MYO9B: variants seen among roughly 807,000 people sequenced by gnomAD.
MYO9B encodes unconventional myosin-IXb.
MYO9B carries 71 observed loss-of-function variants against 229.5 expected under a neutral mutation model. The observed-to-expected ratio is 0.31, with a 90% confidence interval of 0.26 to 0.38. The LOEUF is 0.38. Among genes scored for constraint, MYO9B ranks in the 10% least tolerant of loss-of-function variants. The pLI is 1.00. For missense variants in MYO9B, 2,255 were observed against 2,920.5 expected (o/e 0.77, Z 5.25); for synonymous variants, 1,185 against 1,235.8 (o/e 0.96, Z 0.86).
intron 2 of MYO9B, among the ~76,000 whole-genome samples, chr19:17,116,321 A>G (rs925155432): frequency 6.6e-6 from 1 of 151,988 alleles, no homozygotes; most frequent in East Asian, 1.9e-4. Flanking sequence ...CCCCTTCCTC[A>G]CTGTAGCTGA....
intron 1 of MYO9B, among the ~76,000 whole-genome samples, chr19:17,092,599 G>C (rs2057648188): frequency 6.6e-6 from 1 of 151,834 alleles, no homozygotes; most frequent in South Asian, 2.1e-4. Flanking sequence ...GGTGATGCAC[G>C]CCTATATCCC....
chr19:17,140,961 G>T (rs538868622), intron 2 of MYO9B, among the ~76,000 whole-genome samples: 2 of 151,544 alleles, frequency 1.3e-5, no homozygotes, highest in African/African-American at 4.8e-5. Flanking sequence ...AAAATTAGCC[G>T]AGCGCAGTGG....
intron 1 of MYO9B, among the ~76,000 whole-genome samples, chr19:17,081,730 AC>A (rs1484616854): frequency 6.8e-6 from 1 of 146,222 alleles, no homozygotes; most frequent in East Asian, 2.0e-4. Context: ...AATTGCTTGA[AC>A]CCAGGAGGCA....
intron 1 of MYO9B, among the ~76,000 whole-genome samples, chr19:17,090,251 T>C (rs1408663899): frequency 6.9e-6 from 1 of 145,250 alleles, no homozygotes; most frequent in Non-Finnish European, 1.5e-5. Flanking sequence ...CCAAGCCATC[T>C]TCCCACCTCA....
At chr19:17,174,716 C>T (rs1054753880) in intron 13 of MYO9B, among the ~76,000 whole-genome samples, 8 of 151,974 alleles carry the variant, frequency 5.3e-5, no homozygotes, top group South Asian at 2.1e-4. Context: ...GGGTGGACCA[C>T]GAGGTCAGGC....
intron 1 of MYO9B, among the ~76,000 whole-genome samples, chr19:17,085,045 C>A (rs2057569546): frequency 6.6e-6 from 1 of 152,116 alleles, no homozygotes; most frequent in South Asian, 2.1e-4. Flanking sequence ...ACAGGTCAAG[C>A]CCGTGACTGG....
At chr19:17,154,185 C>T in intron 5 of MYO9B, 119 bp downstream of exon 5, 1 of 1,318,056 alleles carries the variant, frequency 7.6e-7, no homozygotes, top group Non-Finnish European at 1.1e-6. Flanking sequence ...TCCCAGAAGG[C>T]AGCATTAAAA....
intron 10 of MYO9B, among the ~76,000 whole-genome samples, chr19:17,164,954 G>A (rs1249541325): frequency 1.3e-5 from 2 of 152,062 alleles, no homozygotes; most frequent in Non-Finnish European, 2.9e-5. Flanking sequence ...AGCCTCAAAC[G>A]CTGAGGTTTA....
At position 17,145,438 on chromosome 19, in the gene MYO9B, C is replaced by T; in HGVS notation, c.882C>T (p.Ser294=). ...NAKTAHNNNS[S]RFGKFIQVSY... ...AGACAGCCCACAACAACAACTCCAG[C>T]CGGTTTGGGAAATTCATCCAAGTCA... Residue 294 remains serine (S), a synonymous_variant, in exon 3 of 40, where the codon AGC becomes AGT. Transcript: ENST00000682292. 1 of 1,613,966 alleles carries T rather than the reference C, an allele frequency of 6.2e-7. No individual in the cohort carries two copies. Among genetic ancestry groups the T allele is most frequent in the East Asian group, 2.2e-5 (1 of 44,880 alleles).
intron 2 of MYO9B, among the ~76,000 whole-genome samples, chr19:17,111,433 G>A (rs1450577644): frequency 2.0e-5 from 3 of 152,042 alleles, no homozygotes; most frequent in Admixed American, 6.6e-5. Flanking sequence ...AGATTAAATT[G>A]TATCTGCATT....
intron 1 of MYO9B, among the ~76,000 whole-genome samples, chr19:17,084,589 C>T (rs1209011762): frequency 2.6e-5 from 4 of 151,198 alleles, no homozygotes; most frequent in Admixed American, 6.6e-5. Context: ...CTGGGCCAGG[C>T]GCAGTGGCTC....
At chr19:17,125,297 T>TCC (rs67309597) in intron 2 of MYO9B, among the ~76,000 whole-genome samples, 43 of 99,770 alleles carry the variant, frequency 4.3e-4, no homozygotes, top group African/African-American at 8.1e-4. Context: ...TAAAACCCCA[T>TCC]CCCCCCCCCC....
intron 3 of MYO9B, among the ~76,000 whole-genome samples, chr19:17,149,219 CCT>C: frequency 6.6e-6 from 1 of 152,090 alleles, no homozygotes; most frequent in Non-Finnish European, 1.5e-5. Flanking sequence ...CTCAAGCGAT[CCT>C]TCCACCTTGG....
chr19:17,206,315 G>A lies in MYO9B; in HGVS notation c.5325G>A (p.Leu1775=), dbSNP rs1447730254. 7 of 1,608,042 alleles carry A rather than the reference G, an allele frequency of 4.4e-6. No homozygotes were observed. Among genetic ancestry groups the A allele is most frequent in the Middle Eastern group, 1.6e-4 (1 of 6,070 alleles). The change falls in exon 33 of 40, where the codon CTG becomes CTA. Residue 1775 remains leucine, a synonymous_variant. Coordinates refer to ENST00000682292, the MANE Select transcript of MYO9B (RefSeq NM_004145.4). ...TCACAGGGGTGCTGAAGCAGTGGCT[G>A]CGGGAGCTGCCCGAGCCCCTCATGA... The part of the protein sequence containing the change: ...HAITGVLKQW[L]RELPEPLMTF...
At chr19:17,173,728 G>T (rs1434647227) in intron 13 of MYO9B, among the ~76,000 whole-genome samples, 5 of 152,040 alleles carry the variant, frequency 3.3e-5, no homozygotes, top group African/African-American at 1.2e-4. Flanking sequence ...TCAAGACTTG[G>T]GCCAGCCCTA....
At chr19:17,152,554 C>T (rs2072489999) in intron 3 of MYO9B, 90 bp from the exon 4 acceptor site, 12 of 1,043,830 alleles carry the variant, frequency 1.1e-5, no homozygotes, top group Non-Finnish European at 1.5e-5. Context: ...CAGAGCGAGA[C>T]TCCCATCTCA....
intron 2 of MYO9B, among the ~76,000 whole-genome samples, chr19:17,105,386 G>T (rs1410216472): frequency 1.3e-5 from 2 of 150,778 alleles, no homozygotes; most frequent in African/African-American, 4.9e-5. Flanking sequence ...TCCCCCCTAC[G>T]TGGGAGTCTG....
rs767745799 is a variant in MYO9B at position 17,206,037 on chromosome 19, C to T, written c.5142C>T (p.Ile1714=). The part of the protein sequence containing the change: ...SLTSDKASVP[I]VLEKLLEHVE... ...CCAGCGACAAGGCCTCGGTGCCCAT[C>T]GTGCTGGAGAAGCTCCTGGAACACG... Residue 1714 remains isoleucine, a synonymous_variant, in exon 32 of 40, where the codon ATC becomes ATT. Coordinates refer to ENST00000682292, the MANE Select transcript of MYO9B (RefSeq NM_004145.4). The T allele has an allele frequency of 1.9e-6, 3 of 1,609,536 alleles. No homozygotes were observed. The highest frequency in any genetic ancestry group is 1.7e-4 in the Middle Eastern group (1 of 6,056).
At position 17,162,985 on chromosome 19, in the gene MYO9B, C is replaced by T; in HGVS notation, c.1537-3C>T. On this transcript the variant is annotated splice_region_variant and splice_polypyrimidine_tract_variant and intron_variant, in intron 9 of 39. Coordinates refer to ENST00000682292, the MANE Select transcript of MYO9B (RefSeq NM_004145.4). ...CAGTGACCATTTTCTCTGTCTCTCCCAGTGCCTGTCCATTGGGGTCCTGGA... is the reference window on the plus strand; with the variant it reads ...CAGTGACCATTTTCTCTGTCTCTCCTAGTGCCTGTCCATTGGGGTCCTGGA... 2 of 1,609,186 alleles carry T rather than the reference C, an allele frequency of 1.2e-6. No individual in the cohort carries two copies. Among genetic ancestry groups the T allele is most frequent in the East Asian group, 4.5e-5 (2 of 44,798 alleles).
Sources: allele counts gnomAD v4.1 joint callset (sites outside exome capture counted in the v4.1 genomes callset), GRCh38; gene constraint gnomAD v4.1.1; transcripts MANE v1.5; gene names NCBI Gene and HGNC (gene_info 2026-07-23, HGNC 2026-07-21).